Variants in SYT1 observed in about 807,000 individuals in gnomAD.
The protein encoded by SYT1 is synaptotagmin-1.
A neutral mutation model predicts 44.8 loss-of-function variants in SYT1; 8 were observed. The ratio of observed to expected loss-of-function variants is 0.18; its 90% CI spans 0.10 to 0.32. The LOEUF (loss-of-function observed/expected upper bound fraction) is 0.32. Among genes scored for constraint, SYT1 ranks in the 10% least tolerant of loss-of-function variants. SYT1 has a pLI of 1.00. For synonymous variants in SYT1, 154 were observed against 188.8 expected, an observed-to-expected ratio of 0.82 and a Z score of 1.51; for missense variants, 286 against 509.3, an observed-to-expected ratio of 0.56 and a Z score of 4.22.
chr12:78,937,210 T>A (rs970444474), intron 1 of SYT1, among the ~76,000 whole-genome samples: 3 of 152,152 alleles, frequency 2.0e-5, no homozygotes, highest in Admixed American at 6.5e-5. Flanking sequence ...TATATTAGCC[T>A]GTAATTTAAC....
At chr12:79,438,361 G>A (rs117026809) in intron 9 of SYT1, among the ~76,000 whole-genome samples, 1 of 152,328 alleles carries the variant, frequency 6.6e-6, no homozygotes, top group Non-Finnish European at 1.5e-5. Flanking sequence ...GGAGGTGATA[G>A]TTCATGCCAC....
intron 3 of SYT1, among the ~76,000 whole-genome samples, chr12:79,111,349 C>T (rs1344336209): frequency 1.3e-5 from 2 of 152,036 alleles, no homozygotes; most frequent in Non-Finnish European, 2.9e-5. Flanking sequence ...AATACTCTTT[C>T]TCTTCCTGGA....
chr12:79,431,292 G>A (rs1418074217), intron 9 of SYT1, among the ~76,000 whole-genome samples: 2 of 152,088 alleles, frequency 1.3e-5, no homozygotes, highest in East Asian at 1.9e-4. Flanking sequence ...CTCAGAGACA[G>A]AGCAGTGTAT....
chr12:79,231,146 G>C (rs1669936937), intron 4 of SYT1, among the ~76,000 whole-genome samples: 1 of 152,108 alleles, frequency 6.6e-6, no homozygotes, highest in Non-Finnish European at 1.5e-5. Flanking sequence ...CTATTAAATT[G>C]AGTAAAGAAT....
chr12:79,419,053 GTGAACATC>G (rs1868932824), intron 9 of SYT1, among the ~76,000 whole-genome samples: 1 of 152,130 alleles, frequency 6.6e-6, no homozygotes, highest in Non-Finnish European at 1.5e-5. Flanking sequence ...TGCCTCAGAA[GTGAACATC>G]TAACTTCAGC....
At chr12:78,914,565 GTAGA>G (rs889589384) in intron 1 of SYT1, among the ~76,000 whole-genome samples, 1 of 151,926 alleles carries the variant, frequency 6.6e-6, no homozygotes, top group African/African-American at 2.4e-5. Flanking sequence ...TGATAGATAG[GTAGA>G]TAGGTAGATC....
At position 78,920,565 on chromosome 12, in the gene SYT1, T is replaced by G. The variant is rs570440228; in HGVS notation, c.-217+55456T>G. 2.1e-4 allele frequency among the ~76,000 whole-genome samples: 11 copies of G among 51,886 alleles called. 1 individual carries two copies. In the African/African-American group the frequency reaches 3.0e-3, roughly 14 times the overall value. 34.0% of individuals were successfully genotyped at this position (51,886 alleles called of 152,430 possible). A position where few individuals can be genotyped will look rare whatever the true frequency, so the allele number is the denominator to read the frequency against. ...TAGGTGCATGCATTTTTATAAACTTTTATAACCAAGTTCTCTAAATAAGCA... is the reference window on the plus strand; with the variant it reads ...TAGGTGCATGCATTTTTATAAACTTGTATAACCAAGTTCTCTAAATAAGCA... On this transcript the variant is annotated intron_variant, in intron 1 of 10. Coordinates refer to ENST00000261205, the MANE Select transcript of SYT1 (RefSeq NM_005639.3).
At chr12:78,909,847 CAA>C (rs1367362143) in intron 1 of SYT1, among the ~76,000 whole-genome samples, 1 of 150,100 alleles carries the variant, frequency 6.7e-6, no homozygotes, top group African/African-American at 2.5e-5. Context: ...ACTTAGTCTT[CAA>C]AGTGTCAAGT....
chr12:78,980,177 GAGTT>G (rs905800894), intron 2 of SYT1, among the ~76,000 whole-genome samples: 3 of 151,742 alleles, frequency 2.0e-5, no homozygotes, highest in African/African-American at 7.2e-5. Context: ...ACTCAAATGA[GAGTT>G]AGGGGACAAA....
intron 2 of SYT1, among the ~76,000 whole-genome samples, chr12:79,009,798 A>T (rs2137566195): frequency 6.6e-6 from 1 of 152,070 alleles, no homozygotes; most frequent in Non-Finnish European, 1.5e-5. Context: ...CATTTGTTTC[A>T]TTATCATCCT....
chr12:78,985,611 C>T (rs1246761065), intron 2 of SYT1, among the ~76,000 whole-genome samples: 3 of 151,474 alleles, frequency 2.0e-5, no homozygotes, highest in East Asian at 3.9e-4. Flanking sequence ...AAGTAGAAGA[C>T]GTGATAACAA....
chr12:79,325,644 C>T (rs527969990), intron 8 of SYT1, among the ~76,000 whole-genome samples: 29 of 152,222 alleles, frequency 1.9e-4, no homozygotes, highest in African/African-American at 7.0e-4. Context: ...TGATTTCCTC[C>T]TTTTACACTG....
chr12:79,147,641 A>T (rs1870003158), intron 3 of SYT1, among the ~76,000 whole-genome samples: 1 of 152,188 alleles, frequency 6.6e-6, no homozygotes, highest in South Asian at 2.1e-4. Flanking sequence ...TACATTCAGT[A>T]CCAAATGCAA....
chr12:78,943,186 G>T (rs1282943736), intron 1 of SYT1, among the ~76,000 whole-genome samples: 1 of 152,112 alleles, frequency 6.6e-6, no homozygotes, highest in Non-Finnish European at 1.5e-5. Context: ...TCTGTGGTTG[G>T]AATTTCTCAT....
intron 1 of SYT1, among the ~76,000 whole-genome samples, chr12:78,894,404 A>G (rs2137080308): frequency 7.8e-6 from 1 of 127,448 alleles, no homozygotes; most frequent in Non-Finnish European, 1.6e-5. Flanking sequence ...CTACAGCCTA[A>G]AATAAGGCTG....
intron 8 of SYT1, among the ~76,000 whole-genome samples, chr12:79,344,024 C>G (rs539608558): frequency 6.6e-6 from 1 of 152,268 alleles, no homozygotes; most frequent in East Asian, 1.9e-4. Flanking sequence ...ACAGGTAGCT[C>G]TAATAAAGTA....
At chr12:79,083,095 A>C (rs1877146946) in intron 3 of SYT1, among the ~76,000 whole-genome samples, 1 of 152,152 alleles carries the variant, frequency 6.6e-6, no homozygotes, top group Admixed American at 6.6e-5. Context: ...ACAAATAAAT[A>C]ATCCAGAAGA....
intron 1 of SYT1, among the ~76,000 whole-genome samples, chr12:78,882,075 A>G (rs1198620370): frequency 1.3e-5 from 2 of 151,768 alleles, no homozygotes; most frequent in Non-Finnish European, 2.9e-5. Context: ...ATAAACCATA[A>G]GAGGTCGGGG....
chr12:79,184,149 G>C (rs1326025797), intron 3 of SYT1, among the ~76,000 whole-genome samples: 2 of 152,002 alleles, frequency 1.3e-5, no homozygotes, highest in Non-Finnish European at 2.9e-5. Flanking sequence ...GAGGAAGTGA[G>C]TCATGTAAAT....
Sources: allele counts gnomAD v4.1 joint callset (sites outside exome capture counted in the v4.1 genomes callset), GRCh38; gene constraint gnomAD v4.1.1; transcripts MANE v1.5; gene names NCBI Gene and HGNC (gene_info 2026-07-23, HGNC 2026-07-21).